The following ADGRB3 variants were observed in gnomAD, a reference collection of about 807,000 sequenced individuals.
The protein encoded by ADGRB3 is adhesion G protein-coupled receptor B3, also known as brain-specific angiogenesis inhibitor 3.
In ADGRB3, 37 loss-of-function variants were observed where a neutral mutation model predicts 193.4. That is an observed-to-expected ratio of 0.19 (90% CI 0.15 to 0.25). The LOEUF is 0.25. ADGRB3 is among the 10% of genes least tolerant of loss of function. The pLI, the probability that ADGRB3 is intolerant of heterozygous loss-of-function variation, is 1.00. For synonymous variants in ADGRB3, 690 were observed against 644.2 expected (o/e 1.07, Z -1.08); for missense variants, 1,637 against 1,852.9 (o/e 0.88, Z 2.14).
intron 3 of ADGRB3, among the ~76,000 whole-genome samples, chr6:68,867,420 C>A (rs1442164668): frequency 2.0e-5 from 3 of 152,188 alleles, no homozygotes; most frequent in African/African-American, 4.8e-5. Context: ...TATGGAAACA[C>A]CTGGATATCC....
rs370162867 is a variant in ADGRB3 at position 69,324,833 on chromosome 6, A to G, written c.2815-39A>G. Reference sequence around the variant, plus strand: ...AAGAACATATCATTTTCCCTCTCCCAGGTTCAGTGTGAGTCTTTTTGTTTG... The same window carrying G: ...AAGAACATATCATTTTCCCTCTCCCGGGTTCAGTGTGAGTCTTTTTGTTTG... On this transcript the variant is annotated intron_variant, in intron 20 of 31. Coordinates refer to ENST00000370598, the MANE Select transcript of ADGRB3 (RefSeq NM_001704.3). 1.9e-4 allele frequency: 307 copies of G among 1,606,606 alleles called. 1 individual carries two copies. Among genetic ancestry groups the G allele is most frequent in the Non-Finnish European group, 2.0e-4 (238 of 1,175,858 alleles).
Position 68,909,992 on chromosome 6 carries a change from C to T in ADGRB3, c.758-20567C>T, listed in dbSNP as rs566961524. 9.8e-5 allele frequency among the ~76,000 whole-genome samples: 15 copies of T among 152,326 alleles called. No homozygotes were observed. In the East Asian group the frequency reaches 2.7e-3, roughly 27 times the overall value. On this transcript the variant is annotated intron_variant, in intron 3 of 31. Transcript: ENST00000370598. ...TGAGGAATCGCCACGCTGTCTTCCA[C>T]CATGGTTGAAGTAGTTTACAGTCCC...
intron 3 of ADGRB3, among the ~76,000 whole-genome samples, chr6:68,896,954 G>A (rs926354256): frequency 2.1e-4 from 32 of 151,866 alleles, no homozygotes; most frequent in African/African-American, 7.0e-4. Context: ...TTGGCCCCTC[G>A]CTACACACAA....
At chr6:68,928,292 G>C (rs1325356916) in intron 3 of ADGRB3, among the ~76,000 whole-genome samples, 1 of 152,172 alleles carries the variant, frequency 6.6e-6, no homozygotes, top group Non-Finnish European at 1.5e-5. Flanking sequence ...TTGGGAAGCA[G>C]AGGTGGGAGG....
chr6:68,906,803 C>A (rs1222936353), intron 3 of ADGRB3, among the ~76,000 whole-genome samples: 1 of 151,782 alleles, frequency 6.6e-6, no homozygotes. Context: ...AATATTTTTC[C>A]TGGTTTGTTG....
intron 17 of ADGRB3, among the ~76,000 whole-genome samples, chr6:69,114,188 A>G (rs1303635390): frequency 6.6e-6 from 1 of 152,222 alleles, no homozygotes; most frequent in African/African-American, 2.4e-5. Flanking sequence ...TTAGGTAAGT[A>G]CTATTATCAC....
chr6:68,971,882 CT>C (rs1335340877), intron 8 of ADGRB3, among the ~76,000 whole-genome samples: 1 of 152,244 alleles, frequency 6.6e-6, no homozygotes, highest in Non-Finnish European at 1.5e-5. Flanking sequence ...TGTCTGGTCT[CT>C]GGGCTTTGCC....
intron 3 of ADGRB3, among the ~76,000 whole-genome samples, chr6:68,765,859 G>A (rs1028918670): frequency 1.3e-5 from 2 of 151,804 alleles, no homozygotes; most frequent in African/African-American, 2.4e-5. Flanking sequence ...TCCCGGACTA[G>A]GTAACTGTTT....
intron 13 of ADGRB3, among the ~76,000 whole-genome samples, chr6:69,042,731 A>G (rs1771108708): frequency 6.6e-6 from 1 of 152,204 alleles, no homozygotes; most frequent in South Asian, 2.1e-4. Flanking sequence ...GTTTTCCACA[A>G]GCAATTCCAT....
intron 17 of ADGRB3, among the ~76,000 whole-genome samples, chr6:69,172,968 A>C (rs1775322473): frequency 6.6e-6 from 1 of 152,230 alleles, no homozygotes; most frequent in Admixed American, 6.5e-5. Context: ...AGTTATAGGC[A>C]GGGCCTGGAT....
intron 17 of ADGRB3, among the ~76,000 whole-genome samples, chr6:69,161,657 C>T (rs959523035): frequency 6.6e-6 from 1 of 152,048 alleles, no homozygotes; most frequent in African/African-American, 2.4e-5. Context: ...GTCAAGAATC[C>T]AGCTGCAAAT....
intron 20 of ADGRB3, among the ~76,000 whole-genome samples, chr6:69,265,227 A>C (rs141158196): frequency 4.7e-4 from 72 of 152,072 alleles, no homozygotes; most frequent in African/African-American, 1.7e-3. Flanking sequence ...GAGTAGTAAA[A>C]ATTGTCACAA....
intron 3 of ADGRB3, among the ~76,000 whole-genome samples, chr6:68,906,447 AATCATAC>A (rs1766551365): frequency 6.6e-6 from 1 of 151,972 alleles, no homozygotes. Flanking sequence ...ATATATATTT[AATCATAC>A]ATCATTGACC....
chr6:69,333,738 G>A (rs1182727113), intron 24 of ADGRB3, among the ~76,000 whole-genome samples: 2 of 150,474 alleles, frequency 1.3e-5, no homozygotes, highest in East Asian at 1.9e-4. Context: ...TCACGAGATC[G>A]AGACCACAGT....
intron 3 of ADGRB3, among the ~76,000 whole-genome samples, chr6:68,824,402 T>A (rs1262317833): frequency 6.6e-6 from 1 of 150,460 alleles, no homozygotes; most frequent in Non-Finnish European, 1.5e-5. Flanking sequence ...ATAATTTACA[T>A]AAATATATAA....
At chr6:68,921,471 C>G (rs1467458831) in intron 3 of ADGRB3, among the ~76,000 whole-genome samples, 1 of 152,106 alleles carries the variant, frequency 6.6e-6, no homozygotes. Context: ...GTCTGCCCTG[C>G]CAACACTACG....
At chr6:69,255,069 GGT>G (rs1766727249) in intron 20 of ADGRB3, among the ~76,000 whole-genome samples, 1 of 151,126 alleles carries the variant, frequency 6.6e-6, no homozygotes, top group East Asian at 1.9e-4. Flanking sequence ...AGTATTCCAT[GGT>G]GTATATGTGC....
At chr6:68,737,942 A>G (rs1057050463) in intron 3 of ADGRB3, among the ~76,000 whole-genome samples, 2 of 152,138 alleles carry the variant, frequency 1.3e-5, no homozygotes, top group East Asian at 1.9e-4. Context: ...AATTAAATCT[A>G]TGCGTATAAT....
At chr6:69,297,398 CTCTCTCTCTCTCTATATA>C in intron 20 of ADGRB3, among the ~76,000 whole-genome samples, 1 of 141,346 alleles carries the variant, frequency 7.1e-6, no homozygotes, top group East Asian at 2.0e-4. Flanking sequence ...CTCTATCTCT[CTCTCTCTCTCTCTATATA>C]TATATATATA....
Sources: allele counts gnomAD v4.1 joint callset (sites outside exome capture counted in the v4.1 genomes callset), GRCh38; gene constraint gnomAD v4.1.1; transcripts MANE v1.5; gene names NCBI Gene and HGNC (gene_info 2026-07-23, HGNC 2026-07-21).